The following SLC35F3 variants were observed in gnomAD, a reference collection of about 807,000 sequenced individuals.
SLC35F3 encodes solute carrier family 35 member F3, also known as putative thiamine transporter SLC35F3.
A neutral mutation model predicts 49.9 loss-of-function variants in SLC35F3; 25 were observed. The ratio of observed to expected loss-of-function variants is 0.50; its 90% CI spans 0.37 to 0.70. The LOEUF (loss-of-function observed/expected upper bound fraction) is 0.70, where lower values mean the gene tolerates loss of function less well. Among genes scored for constraint, SLC35F3 ranks in the 30% least tolerant of loss-of-function variants. SLC35F3 has a pLI of 0.00. For missense variants in SLC35F3, 525 were observed against 639.8 expected, an observed-to-expected ratio of 0.82 and a Z score of 1.94; for synonymous variants, 275 against 265.4, an observed-to-expected ratio of 1.04 and a Z score of -0.35.
At chr1:234,219,055 C>CAAAAA (rs60342594) in intron 2 of SLC35F3, among the ~76,000 whole-genome samples, 4,426 of 55,044 alleles carry the variant, frequency 0.08, 781 homozygotes, top group East Asian at 0.77. Context: ...GACTCCATCT[C>CAAAAA]AAAAAAAAAA....
In SLC35F3 at chr1:234,320,945, G is replaced by C. The variant is rs564410110; in HGVS notation, c.1237+758G>C. On this transcript the variant is annotated intron_variant, in intron 7 of 7. Coordinates refer to ENST00000366618, the MANE Select transcript of SLC35F3 (RefSeq NM_173508.4). The surrounding 1 kb of genome is among the most constrained non-coding windows in gnomAD (Gnocchi z 4.8). Reference sequence around the variant, plus strand: ...TCAGCCAGAAAAGGGCTGTGAATCTGTCCTCCCCAGAACACTCACTCCTTT... The same window carrying C: ...TCAGCCAGAAAAGGGCTGTGAATCTCTCCTCCCCAGAACACTCACTCCTTT... Among the ~76,000 whole-genome samples the C allele has an allele frequency of 6.6e-6, 1 of 152,070 alleles. No homozygotes were observed. Among genetic ancestry groups the C allele is most frequent in the South Asian group, 2.1e-4 (1 of 4,812 alleles).
chr1:233,937,824 CA>C (rs1393090130), intron 2 of SLC35F3, among the ~76,000 whole-genome samples: 4 of 152,202 alleles, frequency 2.6e-5, no homozygotes, highest in East Asian at 3.9e-4. Flanking sequence ...CAAGGATAGT[CA>C]GGGGGCAAGG....
intron 3 of SLC35F3, among the ~76,000 whole-genome samples, chr1:234,259,751 G>A (rs1667874487): frequency 6.6e-6 from 1 of 151,942 alleles, no homozygotes; most frequent in Admixed American, 6.5e-5. Flanking sequence ...GGCAGGGACA[G>A]GGTAATTTCT....
chr1:234,071,531 C>G lies in SLC35F3; in HGVS notation c.284-159886C>G, dbSNP rs544589514. 7.2e-4 allele frequency among the ~76,000 whole-genome samples: 109 copies of G among 152,274 alleles called. 1 individual carries two copies. Among genetic ancestry groups the G allele is most frequent in the South Asian group, 1.0e-3 (5 of 4,824 alleles). On this transcript the variant is annotated intron_variant, in intron 2 of 7. Transcript: ENST00000366618. ...TCCAAATCTTTGCCATTTCTCTCAC[C>G]TCTGATAGGAGTAGAGCATTAATGG... is the stretch of plus-strand genomic sequence containing the variant.
intron 2 of SLC35F3, among the ~76,000 whole-genome samples, chr1:233,928,681 T>G (rs901889665): frequency 1.5e-4 from 23 of 152,202 alleles, no homozygotes; most frequent in African/African-American, 5.1e-4. Flanking sequence ...AATATTAGAT[T>G]ATTATTGTTG....
At chr1:234,268,317 T>A (rs1054027791) in intron 3 of SLC35F3, among the ~76,000 whole-genome samples, 41 of 146,438 alleles carry the variant, frequency 2.8e-4, no homozygotes, top group African/African-American at 9.3e-4. Context: ...CAGTCAGGCG[T>A]GGCGGCGCGC....
intron 2 of SLC35F3, among the ~76,000 whole-genome samples, chr1:233,932,301 A>AC (rs1662256320): frequency 6.6e-6 from 1 of 151,988 alleles, no homozygotes; most frequent in Admixed American, 6.6e-5. Context: ...ATAACAAAAA[A>AC]AGAAGGGGTT....
chr1:233,974,186 T>C (rs1572004344), intron 2 of SLC35F3, among the ~76,000 whole-genome samples: 1 of 140,756 alleles, frequency 7.1e-6, no homozygotes, highest in East Asian at 2.0e-4. Flanking sequence ...TTTTTTTTTT[T>C]TTTTTTTTTT....
At chr1:234,098,562 T>C (rs1270204624) in intron 2 of SLC35F3, among the ~76,000 whole-genome samples, 1 of 147,562 alleles carries the variant, frequency 6.8e-6, no homozygotes, top group Admixed American at 6.7e-5. Context: ...TTATTGGTGG[T>C]GGTGGTGGCA....
At chr1:234,227,262 T>C (rs1251676354) in intron 2 of SLC35F3, among the ~76,000 whole-genome samples, 1 of 152,092 alleles carries the variant, frequency 6.6e-6, no homozygotes, top group Non-Finnish European at 1.5e-5. Flanking sequence ...GGAAGGGGTG[T>C]TGGAGAGTGA....
At chr1:234,077,590 T>C (rs949337398) in intron 2 of SLC35F3, among the ~76,000 whole-genome samples, 3 of 152,124 alleles carry the variant, frequency 2.0e-5, no homozygotes, top group Non-Finnish European at 4.4e-5. Flanking sequence ...AAGATAAGAT[T>C]TGGGTGGGGA....
chr1:234,269,980 A>C (rs1357770540), intron 3 of SLC35F3, among the ~76,000 whole-genome samples: 1 of 152,078 alleles, frequency 6.6e-6, no homozygotes, highest in Non-Finnish European at 1.5e-5. Context: ...AGCTAAACAA[A>C]CCTCTCTTCT....
At position 234,250,023 on chromosome 1, in the gene SLC35F3, T is replaced by C. The variant is rs181663205; in HGVS notation, c.608+18282T>C. Among the ~76,000 whole-genome samples, 305 of 152,198 alleles carry C rather than the reference T, an allele frequency of 2.0e-3. 4 individuals carry two copies. Among genetic ancestry groups the C allele is most frequent in the African/African-American group, 6.6e-3 (276 of 41,512 alleles). On this transcript the variant is annotated intron_variant, in intron 3 of 7. Transcript: ENST00000366618. The stretch of plus-strand genomic sequence containing the variant: ...TGTCTCCCAGCATATTTTACCAAAC[T>C]AGGAAAAAAGCTAGAAATATATATG...
intron 2 of SLC35F3, among the ~76,000 whole-genome samples, chr1:233,966,774 A>G (rs1662912578): frequency 6.6e-6 from 1 of 152,234 alleles, no homozygotes; most frequent in African/African-American, 2.4e-5. Flanking sequence ...CAAAGGATCA[A>G]ATACAGATTT....
At chr1:233,925,400 T>G (rs140876923) in intron 2 of SLC35F3, among the ~76,000 whole-genome samples, 4,430 of 152,322 alleles carry the variant, frequency 0.029, 196 homozygotes, top group African/African-American at 0.1. Flanking sequence ...GCCTTCTTTG[T>G]GTCTTTTGAT....
intron 3 of SLC35F3, among the ~76,000 whole-genome samples, chr1:234,243,024 G>A (rs558756755): frequency 7.9e-5 from 12 of 152,236 alleles, no homozygotes; most frequent in South Asian, 6.2e-4. Flanking sequence ...GGGGGAGTAG[G>A]GGGAATGGGT....
At chr1:234,281,756 C>T (rs545952006) in intron 3 of SLC35F3, among the ~76,000 whole-genome samples, 1 of 152,192 alleles carries the variant, frequency 6.6e-6, no homozygotes, top group African/African-American at 2.4e-5. Flanking sequence ...CTCCACCTTT[C>T]GCTTGGAAAG....
At chr1:233,964,118 T>C (rs1007920550) in intron 2 of SLC35F3, among the ~76,000 whole-genome samples, 6 of 152,254 alleles carry the variant, frequency 3.9e-5, no homozygotes, top group Non-Finnish European at 8.8e-5. Flanking sequence ...TGCCTCACTT[T>C]ACGTCTGGCA....
At chr1:233,975,678 C>T (rs1663068318) in intron 2 of SLC35F3, among the ~76,000 whole-genome samples, 1 of 152,172 alleles carries the variant, frequency 6.6e-6, no homozygotes, top group South Asian at 2.1e-4. Flanking sequence ...AGCAACAGGC[C>T]ATCCAGTGAG....
Sources: gnomAD v4.1 joint callset for allele counts (sites outside exome capture counted in the v4.1 genomes callset) on GRCh38, gnomAD v4.1.1 for gene constraint, Gnocchi (gnomAD v3.1) non-coding constraint, MANE v1.5 for transcripts, NCBI Gene and HGNC (gene_info 2026-07-23, HGNC 2026-07-21) for gene names.